The following PPP6R1 variants were observed in gnomAD, a reference collection of about 807,000 sequenced individuals.
PPP6R1 encodes the protein protein phosphatase 6 regulatory subunit 1.
Under a neutral mutation model 104.6 loss-of-function variants are expected in PPP6R1, and 39 were observed. That is an observed-to-expected ratio of 0.37 (90% confidence interval 0.29 to 0.49). The LOEUF is 0.49. PPP6R1 is among the 20% of genes least tolerant of loss of function. The probability of loss-of-function intolerance (pLI) is 0.98; values close to 1 mark genes in which losing one functional copy is unlikely to be tolerated. For synonymous variants in PPP6R1, 549 were observed against 479.0 expected (o/e 1.15, Z -1.91); for missense variants, 1,181 against 1,155.8 (o/e 1.02, Z -0.32).
chr19:55,236,867 C>A (rs2087403995), intron 16 of PPP6R1, 46 bp from the exon 17 acceptor site: 2 of 1,611,636 alleles, frequency 1.2e-6, no homozygotes, highest in African/African-American at 2.7e-5. Context: ...GCCCACAGCC[C>A]CACACCCCTC....
intron 1 of PPP6R1, among the ~76,000 whole-genome samples, chr19:55,256,520 C>A (rs946631029): frequency 2.0e-5 from 3 of 152,216 alleles, no homozygotes; most frequent in Non-Finnish European, 4.4e-5. Context: ...AAATAATAAT[C>A]GAAAGAACGG....
chr19:55,241,749 C>T lies in PPP6R1; in HGVS notation c.846-110G>A, dbSNP rs576044830. 8 of 1,309,528 alleles carry T rather than the reference C, an allele frequency of 6.1e-6. No homozygotes were observed. Among genetic ancestry groups the T allele is most frequent in the Admixed American group, 2.9e-5 (1 of 35,042 alleles). 81.1% of individuals were successfully genotyped at this position (1,309,528 alleles called of 1,614,324 possible). A position where few individuals can be genotyped will look rare whatever the true frequency, so the allele number is the denominator to read the frequency against. ...GGGTCTGGAGGAAAACGAGGAGCCA[C>T]ATGCCCCCAGCGCCGCTCTCTTCTG... On this transcript the variant is annotated intron_variant, in intron 7 of 23. Coordinates refer to ENST00000412770, the MANE Select transcript of PPP6R1 (RefSeq NM_014931.4). This position sits in a 1 kb window ranked among gnomAD's most constrained non-coding sequence, Gnocchi z 5.4.
rs974239279 is a variant in PPP6R1 at position 55,258,911 on chromosome 19, G to A, written c.-483C>T. On this transcript the variant is annotated 5_prime_UTR_variant, in exon 1 of 24. Coordinates refer to ENST00000412770, the MANE Select transcript of PPP6R1 (RefSeq NM_014931.4). ...CCGAGCAGCGACCGACGGAAGCCGA[G>A]GCCTACTTCCTTAACCACCCCTTCC... 2 of 152,204 alleles carry A rather than the reference G, an allele frequency of 1.3e-5. No individual in the cohort carries two copies. The highest frequency in any genetic ancestry group is 4.8e-5 in the African/African-American group (2 of 41,442). 9.4% of individuals were successfully genotyped at this position (152,204 alleles called of 1,614,324 possible). A position where few individuals can be genotyped will look rare whatever the true frequency, so the allele number is the denominator to read the frequency against.
chr19:55,234,786 A>G (rs1475119096), intron 17 of PPP6R1, among the ~76,000 whole-genome samples: 3 of 152,214 alleles, frequency 2.0e-5, no homozygotes, highest in Non-Finnish European at 4.4e-5. Flanking sequence ...ACCCAAACAC[A>G]CAACAGGGAA....
intron 1 of PPP6R1, among the ~76,000 whole-genome samples, chr19:55,250,573 G>A (rs775775350): frequency 8.5e-5 from 13 of 152,146 alleles, no homozygotes; most frequent in Non-Finnish European, 1.6e-4. Context: ...TAAACTCCCT[G>A]TCCACCTTGT....
chr19:55,256,096 C>G (rs1226874534), intron 1 of PPP6R1, among the ~76,000 whole-genome samples: 6 of 152,198 alleles, frequency 3.9e-5, no homozygotes, highest in African/African-American at 1.4e-4. Context: ...AAAAAATGGG[C>G]AGGGGGACCA....
downstream of PPP6R1, chr19:55,229,721 C>G (rs1174120521): frequency 1.3e-5 from 2 of 152,244 alleles, no homozygotes; most frequent in Non-Finnish European, 1.5e-5. Flanking sequence ...CTCTGGGGTG[C>G]AGGGATAATA....
rs1261481400 is a variant in PPP6R1, at chr19:55,232,204, C to T, written c.1996G>A (p.Gly666Ser). The T allele has an allele frequency of 5.2e-6, 8 of 1,547,696 alleles. No individual in the cohort carries two copies. The highest frequency in any genetic ancestry group is 7.0e-6 in the Non-Finnish European group (8 of 1,144,460). ...TCTTCGTCCTCACTGTCTGTGCTGC[C>T]TCCACTCCTGCCCCAGAAACCACCT... ...LGQPPGVRSG[G>S]STDSEDEEEE... The change falls in exon 18 of 24, where the codon GGC becomes AGC. Residue 666 changes from glycine (G) to serine (S), a missense_variant. Coordinates refer to ENST00000412770, the MANE Select transcript of PPP6R1 (RefSeq NM_014931.4).
At chr19:55,256,513 T>C (rs1256059319) in intron 1 of PPP6R1, among the ~76,000 whole-genome samples, 2 of 152,100 alleles carry the variant, frequency 1.3e-5, no homozygotes, top group South Asian at 2.1e-4. Context: ...CCAAATCAAA[T>C]AATAATCGAA....
intron 1 of PPP6R1, among the ~76,000 whole-genome samples, chr19:55,257,843 C>T (rs2087605486): frequency 6.6e-6 from 1 of 152,256 alleles, no homozygotes; most frequent in African/African-American, 2.4e-5. Context: ...CCCTGCCTGC[C>T]CTCAGCAGGC....
In PPP6R1 at chr19:55,239,639, G is replaced by T. The variant is rs765306424; in HGVS notation, c.1608C>A (p.Asp536Glu). ...HLHSSSDDED[D>E]RLKEFNFPEE... ...CAGGGAAGTTGAACTCCTTGAGCCG[G>T]TCGTCCTCATCGTCACTGGAGGAGT... Residue 536 changes from aspartate to glutamate, a missense_variant, in exon 14 of 24, where the codon GAC (aspartate) becomes GAA (glutamate). Asp to Glu is a conservative substitution (Grantham distance 45). Around this residue, in one of 2 missense-constraint regions of PPP6R1, gnomAD observed 1,042 missense variants for 955.6 expected, o/e 1.09. Transcript: ENST00000412770. 1 of 1,612,326 alleles carries T rather than the reference G, an allele frequency of 6.2e-7. No homozygotes were observed. The highest frequency in any genetic ancestry group is 1.7e-5 in the Admixed American group (1 of 59,786).
In PPP6R1 at chr19:55,236,922, G is replaced by A. The variant is rs372556115; in HGVS notation, c.1800C>T (p.Asp600=). 16 of 1,613,042 alleles carry A rather than the reference G, an allele frequency of 9.9e-6. No individual in the cohort carries two copies. The highest frequency in any genetic ancestry group is 6.7e-5 in the African/African-American group (5 of 75,016). ...TANITFSLNA[D]DENPNANLLE... is the part of the protein sequence containing the mutation. ...ACAGGGCAGTACTCACGTTCTCATC[G>A]TCAGCATTGAGGGAGAAGGTGATGT... Residue 600 remains aspartate (D), a synonymous_variant, in exon 16 of 24, where the codon GAC becomes GAT. Transcript: ENST00000412770.
chr19:55,230,651 A>G lies in PPP6R1; in HGVS notation c.2604T>C (p.Asn868=). ...AQALTPPPIP[N]GSAPEGPASP... is the part of the protein sequence containing the mutation. ...ATGCAGGCCCTTCCGGGGCAGAGCCATTGGGTATCGGAGGAGGCGTGAGGG... is the reference window on the plus strand; with the variant it reads ...ATGCAGGCCCTTCCGGGGCAGAGCCGTTGGGTATCGGAGGAGGCGTGAGGG... Residue 868 remains asparagine, a synonymous_variant, in exon 23 of 24, where the codon AAT becomes AAC. Coordinates refer to ENST00000412770, the MANE Select transcript of PPP6R1 (RefSeq NM_014931.4). 6.2e-7 allele frequency: 1 copy of G among 1,609,268 alleles called. No individual in the cohort carries two copies. Among genetic ancestry groups the G allele is most frequent in the Non-Finnish European group, 8.5e-7 (1 of 1,177,902 alleles).
chr19:55,252,131 T>A (rs150024896), intron 1 of PPP6R1, among the ~76,000 whole-genome samples: 9 of 152,276 alleles, frequency 5.9e-5, no homozygotes, highest in Admixed American at 1.3e-4. Context: ...GCGAAGTTCC[T>A]GAAAGGAAAG....
chr19:55,240,268 G>A lies in PPP6R1; in HGVS notation c.1329C>T (p.Ile443=). ...GGTCGTTCTCCTCCCAGGACGTCAG[G>A]ATCCGCTCCACCAGGCGGCACTGCT... ...LLQQCRLVER[I]LTSWEENDRV... The change falls in exon 11 of 24, where the codon ATC becomes ATT. Residue 443 remains isoleucine, a synonymous_variant. Coordinates refer to ENST00000412770, the MANE Select transcript of PPP6R1 (RefSeq NM_014931.4). The A allele has an allele frequency of 6.3e-7, 1 of 1,595,104 alleles. No individual in the cohort carries two copies. The highest frequency in any genetic ancestry group is 8.5e-7 in the Non-Finnish European group (1 of 1,171,506).
At chr19:55,240,610 T>G (rs569179833) in intron 10 of PPP6R1, among the ~76,000 whole-genome samples, 2 of 150,656 alleles carry the variant, frequency 1.3e-5, no homozygotes, top group African/African-American at 4.9e-5. Flanking sequence ...CACATACTCG[T>G]GTGCACTCAC....
chr19:55,237,028 G>T, intron 15 of PPP6R1, 58 bp from the exon 16 acceptor site: 1 of 1,499,874 alleles, frequency 6.7e-7, no homozygotes, highest in South Asian at 1.1e-5. Flanking sequence ...GGCAGCACAG[G>T]ACAGGCCACA....
At chr19:55,247,319 C>T (rs1231478031) in intron 1 of PPP6R1, 2 of 582,928 alleles carry the variant, frequency 3.4e-6, no homozygotes, top group Non-Finnish European at 6.1e-6. Context: ...CAGTGAGCAC[C>T]AGGCTCCTGC....
At position 55,241,665 on chromosome 19, in the gene PPP6R1, G is replaced by C. The variant is rs2087459211; in HGVS notation, c.846-26C>G. On this transcript the variant is annotated intron_variant, in intron 7 of 23. Transcript: ENST00000412770. The surrounding 1 kb of genome is among the most constrained non-coding windows in gnomAD (Gnocchi z 5.4). ...CTGCAGCAGGGCAGGGTCGAAGGCG[G>C]AGTGAGCCTAGATGGCCTGTGCGCC... The C allele has an allele frequency of 1.3e-6, 2 of 1,539,654 alleles. No individual in the cohort carries two copies. The highest frequency in any genetic ancestry group is 1.4e-5 in the African/African-American group (1 of 72,758).
Sources: gnomAD v4.1 joint callset for allele counts (sites outside exome capture counted in the v4.1 genomes callset) on GRCh38, gnomAD v4.1.1 for gene constraint, gnomAD v4.1.1 regional missense constraint, Gnocchi (gnomAD v3.1) non-coding constraint, MANE v1.5 for transcripts, NCBI Gene and HGNC (gene_info 2026-07-23, HGNC 2026-07-21) for gene names.